MISP: variants seen among roughly 807,000 people sequenced by gnomAD.
MISP encodes the protein mitotic spindle positioning, also known as mitotic interactor and substrate of PLK1.
In MISP, 51 loss-of-function variants were observed where a neutral mutation model predicts 49.3. The ratio of observed to expected loss-of-function variants is 1.03; its 90% CI spans 0.83 to 1.31. The LOEUF (loss-of-function observed/expected upper bound fraction) is 1.31. MISP is among the 50% of genes most tolerant of loss of function. MISP has a pLI of 0.00. For synonymous variants in MISP, 444 were observed against 392.6 expected, an observed-to-expected ratio of 1.13 and a Z score of -1.55; for missense variants, 1,084 against 935.1, an observed-to-expected ratio of 1.16 and a Z score of -2.08.
intron 1 of MISP, among the ~76,000 whole-genome samples, chr19:756,403 G>A (rs2033549760): frequency 1.3e-5 from 2 of 151,994 alleles, no homozygotes; most frequent in Admixed American, 6.6e-5. Context: ...AGAGGCCAGT[G>A]GGTGGGATGC....
upstream of MISP, among the ~76,000 whole-genome samples, chr19:750,697 G>A (rs976963673): frequency 6.6e-6 from 1 of 152,196 alleles, no homozygotes; most frequent in African/African-American, 2.4e-5. Context: ...GCCATCTAGG[G>A]GAGTTGCCCC....
intron 3 of MISP, among the ~76,000 whole-genome samples, chr19:760,685 A>AAGAGAG (rs67394691): frequency 2.7e-5 from 4 of 149,616 alleles, no homozygotes; most frequent in African/African-American, 9.8e-5. Flanking sequence ...ACTTCTAAGA[A>AAGAGAG]AGAGAGAGAG....
chr19:757,071 G>T lies in MISP; in HGVS notation c.125G>T (p.Gly42Val), dbSNP rs767329701. The change falls in exon 2 of 5, where the codon GGC (glycine) becomes GTC (valine). Residue 42 changes from glycine to valine, a missense_variant. Coordinates refer to ENST00000215582, the MANE Select transcript of MISP (RefSeq NM_173481.4). ...HLVCMGPEAS[G>V]WGQDEPQTWP... ...GTGTGCATGGGCCCCGAGGCCAGCGGCTGGGGCCAGGATGAGCCGCAGACA... is the reference window on the plus strand; with the variant it reads ...GTGTGCATGGGCCCCGAGGCCAGCGTCTGGGGCCAGGATGAGCCGCAGACA... 3.7e-6 allele frequency: 6 copies of T among 1,612,156 alleles called. No homozygotes were observed. Among genetic ancestry groups the T allele is most frequent in the Non-Finnish European group, 5.1e-6 (6 of 1,179,500 alleles).
At chr19:749,555 G>A (rs1353846332), upstream of MISP, among the ~76,000 whole-genome samples, 1 of 152,236 alleles carries the variant, frequency 6.6e-6, no homozygotes, top group Middle Eastern at 3.2e-3. Flanking sequence ...TCTTGGCCAG[G>A]CGCCGTGGCT....
At chr19:756,107 G>T (rs1006145283) in intron 1 of MISP, among the ~76,000 whole-genome samples, 4 of 152,150 alleles carry the variant, frequency 2.6e-5, no homozygotes, top group Non-Finnish European at 1.5e-5. Flanking sequence ...TGGAATCAGG[G>T]AGCTTAAAAG....
chr19:753,389 C>CTTTTTT (rs553930795), intron 1 of MISP, among the ~76,000 whole-genome samples: 1 of 137,920 alleles, frequency 7.3e-6, no homozygotes. Context: ...TTCTTTTTTT[C>CTTTTTT]TTTTTTTTTT....
At position 751,177 on chromosome 19, in the gene MISP, G is replaced by C. The variant is rs2033453675; in HGVS notation, c.-58+6G>C. The C allele has an allele frequency of 6.6e-6, 1 of 151,356 alleles. No homozygotes were observed. The highest frequency in any genetic ancestry group is 2.5e-5 in the African/African-American group (1 of 40,086). The allele number at this position is 151,356 out of a possible 1,614,324, so 9.4% of individuals were successfully genotyped here. A position where few individuals can be genotyped will look rare whatever the true frequency, so the allele number is the denominator to read the frequency against. ...GTGGAGCCGGGAGCCGGCAGGTGAG[G>C]CTGGGGGCGCCCCGGGCCGGGCCGG... On this transcript the variant is annotated splice_donor_region_variant and intron_variant, in intron 1 of 4. Coordinates refer to ENST00000215582, the MANE Select transcript of MISP (RefSeq NM_173481.4).
intron 1 of MISP, among the ~76,000 whole-genome samples, chr19:752,624 G>A (rs1312937151): frequency 2.0e-5 from 3 of 152,094 alleles, no homozygotes; most frequent in Non-Finnish European, 2.9e-5. Flanking sequence ...GGCCCCACCC[G>A]CTGGCTTCAG....
chr19:762,243 C>T (rs552556036), intron 4 of MISP, among the ~76,000 whole-genome samples: 46 of 148,640 alleles, frequency 3.1e-4, no homozygotes, highest in South Asian at 1.7e-3. Context: ...CGAGCCACCG[C>T]GCCCGGCCAA....
In MISP at chr19:761,647, A is replaced by G; in HGVS notation, c.1934A>G (p.Asp645Gly). 6.2e-7 allele frequency: 1 copy of G among 1,614,124 alleles called. No homozygotes were observed. Among genetic ancestry groups the G allele is most frequent in the Non-Finnish European group, 8.5e-7 (1 of 1,180,010 alleles). The change falls in exon 4 of 5, where the codon GAC (aspartate) becomes GGC (glycine). Residue 645 changes from aspartate to glycine, a missense_variant. Transcript: ENST00000215582. ...TAGTACGCTGGCATCAACCCCTCGG[A>G]CGGTATCAACTCAGAGGTGAGTATG... Reference protein sequence around the residue: ...EQWYAGINPSDGINSEVLEAI... With the variant: ...EQWYAGINPSGGINSEVLEAI...
chr19:758,189 A>G lies in MISP; in HGVS notation c.1243A>G (p.Arg415Gly). The G allele has an allele frequency of 6.2e-7, 1 of 1,612,708 alleles. No homozygotes were observed. Among genetic ancestry groups the G allele is most frequent in the Non-Finnish European group, 8.5e-7 (1 of 1,179,800 alleles). The change falls in exon 2 of 5, where the codon AGG (arginine) becomes GGG (glycine). Residue 415 changes from arginine to glycine, a missense_variant. By Grantham distance (125) the Arg-to-Gly change is moderately radical (BLOSUM62 -2). Coordinates refer to ENST00000215582, the MANE Select transcript of MISP (RefSeq NM_173481.4). ...ARAADPAPEV[R>G]KVNRIPPDAY... Reference sequence around the variant, plus strand: ...TGCGGCCGACCCAGCTCCAGAAGTGAGGAAGGTGAACCGCATCCCACCTGA... The same window carrying G: ...TGCGGCCGACCCAGCTCCAGAAGTGGGGAAGGTGAACCGCATCCCACCTGA...
chr19:758,005 G>A lies in MISP; in HGVS notation c.1059G>A (p.Arg353=). ...GGCGCCCGTCCCTCTACGTGCAGCG[G>A]GACATAGTACAGGAGACACAGCGTG... ...ERGRPSLYVQ[R]DIVQETQREE... is the part of the protein sequence containing the mutation. Residue 353 remains arginine (R), a synonymous_variant, in exon 2 of 5, where the codon CGG becomes CGA. Coordinates refer to ENST00000215582, the MANE Select transcript of MISP (RefSeq NM_173481.4). The A allele has an allele frequency of 1.3e-6, 2 of 1,574,236 alleles. No homozygotes were observed. The highest frequency in any genetic ancestry group is 1.7e-6 in the Non-Finnish European group (2 of 1,164,424).
rs2033620409 is a variant in MISP at position 758,618 on chromosome 19, G to A, written c.1672G>A (p.Glu558Lys). The change falls in exon 2 of 5, where the codon GAG becomes AAG. Residue 558 changes from glutamate to lysine, a missense_variant. By Grantham distance (56) the Glu-to-Lys change is moderately conservative (BLOSUM62 1). Transcript: ENST00000215582. ...GGAGAGGGAGAGTGTCCTGCGCCGG[G>A]AGCAAGAGGTGGCAGAGGAGCGGAG... Reference protein sequence around the residue: ...ERERESVLRREQEVAEERRNA... With the variant: ...ERERESVLRRKQEVAEERRNA... The A allele has an allele frequency of 1.2e-6, 2 of 1,614,264 alleles. No individual in the cohort carries two copies. The highest frequency in any genetic ancestry group is 1.7e-6 in the Non-Finnish European group (2 of 1,180,050).
chr19:761,775 G>T (rs1386242276), intron 4 of MISP, 112 bp downstream of exon 4: 23 of 1,158,886 alleles, frequency 2.0e-5, no homozygotes, highest in Non-Finnish European at 2.9e-5. Context: ...CGTATTGGGT[G>T]TCTTCTCAAT....
intron 1 of MISP, among the ~76,000 whole-genome samples, chr19:756,173 G>A (rs1298119643): frequency 6.6e-6 from 1 of 152,126 alleles, no homozygotes; most frequent in African/African-American, 2.4e-5. Context: ...GTACCCACTG[G>A]GGGCATTTAC....
chr19:757,316 T>A lies in MISP; in HGVS notation c.370T>A (p.Tyr124Asn). 1.2e-6 allele frequency: 2 copies of A among 1,613,984 alleles called. No homozygotes were observed. The highest frequency in any genetic ancestry group is 1.7e-6 in the Non-Finnish European group (2 of 1,179,966). Residue 124 changes from tyrosine to asparagine, a missense_variant, in exon 2 of 5, where the codon TAC becomes AAC. Tyr to Asn is a moderately radical substitution (Grantham distance 143). Transcript: ENST00000215582. ...CGGGGAGGACAAGGAGATGAAGACC[T>A]ACCGCCTGGATGCTGGGGACGCTGA... ...EDGEDKEMKTYRLDAGDADPR... is the reference protein window; with the variant it reads ...EDGEDKEMKTNRLDAGDADPR...
At chr19:761,314 G>T (rs938257436) in intron 3 of MISP, among the ~76,000 whole-genome samples, 1 of 150,768 alleles carries the variant, frequency 6.6e-6, no homozygotes, top group Non-Finnish European at 1.5e-5. Flanking sequence ...AGCCGAGATC[G>T]CACCACCGCA....
At position 757,122 on chromosome 19, in the gene MISP, A is replaced by G. The variant is rs2144958467; in HGVS notation, c.176A>G (p.Gln59Arg). ...QTWPTDHRAQ[Q>R]GVQRQGVSYS... ...TGGCCCACTGACCACAGGGCCCAGC[A>G]GGGCGTGCAGAGGCAGGGGGTGTCC... is the stretch of plus-strand genomic sequence containing the variant. The change falls in exon 2 of 5, where the codon CAG (glutamine) becomes CGG (arginine). Residue 59 changes from glutamine (Q) to arginine (R), a missense_variant. Physicochemically the swap from Gln to Arg is conservative, Grantham distance 43. Transcript: ENST00000215582. 1.9e-6 allele frequency: 3 copies of G among 1,613,266 alleles called. 1 individual carries two copies. Among genetic ancestry groups the G allele is most frequent in the East Asian group, 4.5e-5 (2 of 44,886 alleles).
intron 2 of MISP, among the ~76,000 whole-genome samples, 175 bp downstream of exon 2, chr19:758,901 A>T (rs2033626118): frequency 6.6e-6 from 1 of 152,032 alleles, no homozygotes; most frequent in Non-Finnish European, 1.5e-5. Flanking sequence ...AAAAATGTAG[A>T]TTTTGGAGAG....
Sources: allele counts gnomAD v4.1 joint callset (sites outside exome capture counted in the v4.1 genomes callset), GRCh38; gene constraint gnomAD v4.1.1; transcripts MANE v1.5; gene names NCBI Gene and HGNC (gene_info 2026-07-23, HGNC 2026-07-21).